The following GMCL1 variants were observed in gnomAD, a reference collection of about 807,000 sequenced individuals.
The protein encoded by GMCL1 is germ cell-less 1, spermatogenesis associated, also known as germ cell-less protein-like 1.
GMCL1 carries 54 observed loss-of-function variants against 75.5 expected under a neutral mutation model. That is an observed-to-expected ratio of 0.71 (90% CI 0.57 to 0.90). The LOEUF (loss-of-function observed/expected upper bound fraction) is 0.90. Ranked by LOEUF, GMCL1 falls within the 40% of genes least tolerant of loss-of-function variation. The pLI is 0.00. For synonymous variants in GMCL1, 210 were observed against 209.6 expected, an observed-to-expected ratio of 1.00 and a Z score of -0.02; for missense variants, 537 against 622.7, an observed-to-expected ratio of 0.86 and a Z score of 1.47.
intron 9 of GMCL1, among the ~76,000 whole-genome samples, chr2:69,855,908 A>C (rs1675455072): frequency 6.6e-6 from 1 of 152,158 alleles, no homozygotes; most frequent in South Asian, 2.1e-4. Context: ...GCTTTTTGCA[A>C]ATGTATTTTG....
Position 69,839,537 on chromosome 2 carries a change from G to C in GMCL1, c.465G>C (p.Gln155His). Residue 155 changes from glutamine (Q) to histidine (H), a missense_variant, in exon 3 of 14, where the codon CAG (glutamine) becomes CAC (histidine). By Grantham distance (24) the Gln-to-His change is conservative (BLOSUM62 0). Around this residue, in one of 3 missense-constraint regions of GMCL1, gnomAD observed 48 missense variants for 85.0 expected, o/e 0.56. Transcript: ENST00000282570. ...MNIIELEIPD[Q>H]NIDVEALQVA... is the part of the protein sequence containing the mutation. ...TTATTGAACTGGAGATTCCTGACCA[G>C]AACATTGATGTAGAAGGTAACTACC... The C allele has an allele frequency of 1.3e-6, 2 of 1,582,324 alleles. No individual in the cohort carries two copies. Among genetic ancestry groups the C allele is most frequent in the Non-Finnish European group, 1.7e-6 (2 of 1,152,486 alleles).
rs750948696 is a variant in GMCL1, at chr2:69,843,209, T to C, written c.640T>C (p.Cys214Arg). The C allele has an allele frequency of 1.9e-6, 3 of 1,612,094 alleles. No homozygotes were observed. Among genetic ancestry groups the C allele is most frequent in the Non-Finnish European group, 2.5e-6 (3 of 1,178,336 alleles). The part of the protein sequence containing the change: ...MKETVNVKTV[C>R]GYYTSAGTYG... ...GGAAACAGTTAATGTGAAAACTGTA[T>C]GTGGCTATTACACATCAGCAGGGAC... Residue 214 changes from cysteine to arginine, a missense_variant, in exon 5 of 14, where the codon TGT becomes CGT. Around this residue, in one of 3 missense-constraint regions of GMCL1, gnomAD observed 345 missense variants for 410.5 expected, o/e 0.84. Transcript: ENST00000282570.
intron 8 of GMCL1, among the ~76,000 whole-genome samples, chr2:69,852,075 G>A (rs540593485): frequency 1.4e-4 from 21 of 152,282 alleles, no homozygotes; most frequent in African/African-American, 4.6e-4. Flanking sequence ...GTAGGGGAAA[G>A]CATTTAAATA....
intron 9 of GMCL1, among the ~76,000 whole-genome samples, chr2:69,855,203 T>C (rs1675435661): frequency 1.3e-5 from 2 of 152,056 alleles, no homozygotes. Flanking sequence ...TAGTATTCTG[T>C]AATATGGATG....
In GMCL1 at chr2:69,880,511, AATAC is replaced by A. The variant is rs1323088670; in HGVS notation, c.*1509_*1512del. 1 of 152,162 alleles carries A rather than the reference AATAC, an allele frequency of 6.6e-6. No homozygotes were observed. Among genetic ancestry groups the A allele is most frequent in the Non-Finnish European group, 1.5e-5 (1 of 68,044 alleles). The allele number at this position is 152,162 out of a possible 1,614,324, so 9.4% of individuals were successfully genotyped here. A position where few individuals can be genotyped will look rare whatever the true frequency, so the allele number is the denominator to read the frequency against. ...TCAGAGCTGGAATTTAAATGTTTCT[AATAC>A]AGTGATTTGGCTGTTATCAAGAGGT... On this transcript the variant is annotated 3_prime_UTR_variant, in exon 14 of 14. Transcript: ENST00000282570.
intron 9 of GMCL1, among the ~76,000 whole-genome samples, chr2:69,860,851 T>C (rs1573363867): frequency 6.6e-6 from 1 of 152,174 alleles, no homozygotes; most frequent in African/African-American, 2.4e-5. Context: ...GTCTGTCTGT[T>C]TGATTGTTTG....
intron 12 of GMCL1, 136 bp from the exon 13 acceptor site, chr2:69,871,609 A>G: frequency 1.8e-6 from 1 of 553,728 alleles, no homozygotes; most frequent in Non-Finnish European, 3.2e-6. Flanking sequence ...GTCAGATTAC[A>G]GTTTGAAAAG....
In GMCL1 at chr2:69,869,780, G is replaced by GAT. The variant is rs1389340592; in HGVS notation, c.1282_1283dup (p.Ile429ThrfsTer9). On this transcript the variant is annotated frameshift_variant, in exon 12 of 14. Transcript: ENST00000282570. LOFTEE classifies it high-confidence loss of function. ...GACCTACTTGTAACTTACACCAATCGATACATCATTTTCAAACGCAATACA... is the reference window on the plus strand; with the variant it reads ...GACCTACTTGTAACTTACACCAATCGATATACATCATTTTCAAACGCAATACA... 7 of 1,613,762 alleles carry GAT rather than the reference G, an allele frequency of 4.3e-6. No homozygotes were observed. The highest frequency in any genetic ancestry group is 1.7e-5 in the Admixed American group (1 of 59,960).
intron 5 of GMCL1, among the ~76,000 whole-genome samples, chr2:69,843,611 A>G (rs1426378263): frequency 6.6e-6 from 1 of 152,150 alleles, no homozygotes; most frequent in Non-Finnish European, 1.5e-5. Context: ...CAATGTAGGG[A>G]GACCCCATCT....
chr2:69,861,469 TATA>T (rs1675646209), intron 10 of GMCL1, 122 bp downstream of exon 10: 7 of 559,170 alleles, frequency 1.3e-5, no homozygotes, highest in Non-Finnish European at 2.2e-5. Flanking sequence ...GTAAAGATCA[TATA>T]ATCACTTTTT....
chr2:69,869,295 G>A (rs1373063236), intron 11 of GMCL1, among the ~76,000 whole-genome samples: 1 of 150,114 alleles, frequency 6.7e-6, no homozygotes, highest in Non-Finnish European at 1.5e-5. Context: ...GCAGGGACCT[G>A]TAGTCCCAGC....
intron 8 of GMCL1, 36 bp downstream of exon 8, chr2:69,849,778 A>T: frequency 7.4e-7 from 1 of 1,349,150 alleles, no homozygotes; most frequent in Non-Finnish European, 1.0e-6. Context: ...GTCTTTTAAA[A>T]GGAAATTTGT....
At chr2:69,853,080 C>T (rs1044993729) in intron 8 of GMCL1, among the ~76,000 whole-genome samples, 1 of 152,166 alleles carries the variant, frequency 6.6e-6, no homozygotes, top group Admixed American at 6.5e-5. Flanking sequence ...TCTTCTACAG[C>T]CGTGACGAAA....
At chr2:69,871,954 G>T in intron 13 of GMCL1, 122 bp downstream of exon 13, 1 of 629,536 alleles carries the variant, frequency 1.6e-6, no homozygotes, top group South Asian at 2.0e-5. Context: ...TGGTTTAAAA[G>T]TCTTTTGAAG....
intron 5 of GMCL1, 93 bp downstream of exon 5, chr2:69,843,354 G>T (rs1021467518): frequency 3.2e-6 from 2 of 624,920 alleles, no homozygotes; most frequent in African/African-American, 1.9e-5. Flanking sequence ...AAGAAAGAAA[G>T]AATTAAGGAA....
chr2:69,878,886 G>T (rs1015437), intron 13 of GMCL1, 23 bp from the exon 14 acceptor site: 1 of 1,495,426 alleles, frequency 6.7e-7, no homozygotes, highest in Non-Finnish European at 9.3e-7. Context: ...AATTGTCATT[G>T]AATCTACAAA....
Position 69,843,249 on chromosome 2 carries a change from C to A in GMCL1, c.680C>A (p.Ser227Tyr). Residue 227 changes from serine to tyrosine, a missense_variant, in exon 5 of 14, where the codon TCT becomes TAT. By Grantham distance (144) the Ser-to-Tyr change is moderately radical. Coordinates refer to ENST00000282570, the MANE Select transcript of GMCL1 (RefSeq NM_178439.5). The stretch of plus-strand genomic sequence containing the variant: ...TCAGCAGGGACCTATGGATTAGATT[C>A]TGTAAAGAAAAAGTGAGTTGCCTTT... ...YTSAGTYGLD[S>Y]VKKKCLEWLL... 6.3e-7 allele frequency: 1 copy of A among 1,580,382 alleles called. No homozygotes were observed. Among genetic ancestry groups the A allele is most frequent in the Non-Finnish European group, 8.7e-7 (1 of 1,151,912 alleles).
At chr2:69,830,212 G>A (rs1161865720) in intron 1 of GMCL1, 60 bp downstream of exon 1, 4 of 1,507,496 alleles carry the variant, frequency 2.7e-6, no homozygotes, top group Non-Finnish European at 3.5e-6. Context: ...CTGGGGCCGA[G>A]CCGGCGCCTC....
intron 1 of GMCL1, among the ~76,000 whole-genome samples, chr2:69,830,537 G>A (rs1319165038): frequency 6.6e-6 from 1 of 152,204 alleles, no homozygotes; most frequent in African/African-American, 2.4e-5. Context: ...CCTTAGTACA[G>A]ACACTAAATG....
Sources: allele counts gnomAD v4.1 joint callset (sites outside exome capture counted in the v4.1 genomes callset), GRCh38; gene constraint gnomAD v4.1.1; regional missense constraint gnomAD v4.1.1; transcripts MANE v1.5; gene names NCBI Gene and HGNC (gene_info 2026-07-23, HGNC 2026-07-21).